LRP1B: variants seen among roughly 807,000 people sequenced by gnomAD.
The protein encoded by LRP1B is LDL receptor related protein 1B, also known as low-density lipoprotein receptor-related protein 1B.
In LRP1B, 217 loss-of-function variants were observed where a neutral mutation model predicts 556.6. That is an observed-to-expected ratio of 0.39 (90% CI 0.35 to 0.44). LRP1B has a LOEUF of 0.44. Ranked by LOEUF, LRP1B falls within the 20% of genes least tolerant of loss-of-function variation. LRP1B has a pLI of 1.00. For synonymous variants in LRP1B, 2,047 were observed against 1,865.8 expected (o/e 1.10, Z -2.50); for missense variants, 5,053 against 5,620.8 (o/e 0.90, Z 3.23).
At chr2:141,092,264 T>C (rs1375123725) in intron 7 of LRP1B, among the ~76,000 whole-genome samples, 1 of 152,198 alleles carries the variant, frequency 6.6e-6, no homozygotes, top group African/African-American at 2.4e-5. Flanking sequence ...GGGTAGCCCA[T>C]TGGACACTGT....
intron 1 of LRP1B, among the ~76,000 whole-genome samples, chr2:141,990,489 T>A (rs535361423): frequency 3.9e-5 from 6 of 152,158 alleles, no homozygotes; most frequent in Non-Finnish European, 8.8e-5. Context: ...AAAGTTTTTA[T>A]TTTTAGTGCA....
intron 1 of LRP1B, among the ~76,000 whole-genome samples, chr2:142,123,524 G>T (rs1574710951): frequency 1.3e-5 from 2 of 152,062 alleles, no homozygotes; most frequent in Admixed American, 1.3e-4. Context: ...TGGTCTGAAG[G>T]CTAAGCCAGT....
At chr2:140,958,211 A>C (rs1175333767) in intron 18 of LRP1B, among the ~76,000 whole-genome samples, 1 of 151,608 alleles carries the variant, frequency 6.6e-6, no homozygotes, top group Non-Finnish European at 1.5e-5. Flanking sequence ...GATTAGATCC[A>C]GAATATCTTT....
chr2:140,954,273 G>T (rs1013475118), intron 18 of LRP1B, among the ~76,000 whole-genome samples: 1 of 152,136 alleles, frequency 6.6e-6, no homozygotes, highest in Non-Finnish European at 1.5e-5. Flanking sequence ...CAGTGTAGAA[G>T]ATGTACTGTA....
At chr2:140,384,430 G>A (rs916297649) in intron 67 of LRP1B, among the ~76,000 whole-genome samples, 4 of 152,128 alleles carry the variant, frequency 2.6e-5, no homozygotes, top group African/African-American at 9.7e-5. Flanking sequence ...TCCATATACA[G>A]TTTTTAAAAA....
intron 41 of LRP1B, among the ~76,000 whole-genome samples, chr2:140,636,570 T>C (rs1684077891): frequency 6.6e-6 from 1 of 152,188 alleles, no homozygotes. Flanking sequence ...GTCTATTCTT[T>C]AGCAGCTCAT....
intron 1 of LRP1B, among the ~76,000 whole-genome samples, chr2:141,843,838 A>T (rs1248703212): frequency 6.6e-6 from 1 of 152,114 alleles, no homozygotes. Context: ...TTGCTGAGGC[A>T]GTCAGTATGA....
chr2:141,932,218 G>A (rs1700528104), intron 1 of LRP1B, among the ~76,000 whole-genome samples: 1 of 151,964 alleles, frequency 6.6e-6, no homozygotes, highest in South Asian at 2.1e-4. Flanking sequence ...TTTCTTGAGT[G>A]TATCAGATCA....
At chr2:141,765,968 G>A (rs1301595781) in intron 2 of LRP1B, among the ~76,000 whole-genome samples, 1 of 152,042 alleles carries the variant, frequency 6.6e-6, no homozygotes, top group Non-Finnish European at 1.5e-5. Context: ...GTCATTTTCA[G>A]GGAGCCAAAT....
chr2:141,945,792 G>T (rs1318168776), intron 1 of LRP1B, among the ~76,000 whole-genome samples: 4 of 149,602 alleles, frequency 2.7e-5, no homozygotes, highest in African/African-American at 9.8e-5. Context: ...CAAATCAGAG[G>T]CCTTGGCCTA....
At chr2:141,085,552 C>T (rs1033693577) in intron 7 of LRP1B, among the ~76,000 whole-genome samples, 1 of 152,048 alleles carries the variant, frequency 6.6e-6, no homozygotes, top group South Asian at 2.1e-4. Flanking sequence ...ATCTGCCAGC[C>T]AAAGAAAGAG....
intron 3 of LRP1B, among the ~76,000 whole-genome samples, chr2:141,452,516 C>T (rs1436824540): frequency 6.6e-6 from 1 of 152,182 alleles, no homozygotes; most frequent in Non-Finnish European, 1.5e-5. Context: ...TTTCTGTAAA[C>T]TCTACTGCAA....
intron 77 of LRP1B, among the ~76,000 whole-genome samples, 171 bp downstream of exon 77, chr2:140,350,626 T>A (rs1475517810): frequency 1.3e-5 from 2 of 152,024 alleles, no homozygotes; most frequent in Non-Finnish European, 2.9e-5. Context: ...ATAAATCATG[T>A]ACAGCTATGA....
At chr2:142,033,074 T>G (rs1465450684) in intron 1 of LRP1B, among the ~76,000 whole-genome samples, 1 of 151,812 alleles carries the variant, frequency 6.6e-6, no homozygotes, top group Non-Finnish European at 1.5e-5. Flanking sequence ...TAAGGGAGTA[T>G]AAGAATCTCT....
chr2:141,370,329 A>T (rs932362481), intron 3 of LRP1B, among the ~76,000 whole-genome samples: 2 of 152,080 alleles, frequency 1.3e-5, no homozygotes, highest in African/African-American at 4.8e-5. Flanking sequence ...TTGTCTTTTT[A>T]ATAATACTAA....
chr2:141,957,262 A>G (rs567411179), intron 1 of LRP1B, among the ~76,000 whole-genome samples: 179 of 151,910 alleles, frequency 1.2e-3, no homozygotes, highest in African/African-American at 4.0e-3. Flanking sequence ...GTCACAAGGC[A>G]TGGGCTGGGA....
intron 1 of LRP1B, among the ~76,000 whole-genome samples, chr2:142,015,688 A>G (rs1400570472): frequency 2.0e-5 from 3 of 151,944 alleles, no homozygotes; most frequent in Non-Finnish European, 2.9e-5. Flanking sequence ...GAAAAAATCA[A>G]CCCCATCAAA....
chr2:141,850,545 C>CTA (rs374359064), intron 1 of LRP1B, among the ~76,000 whole-genome samples: 3,337 of 143,296 alleles, frequency 0.023, 66 homozygotes, highest in African/African-American at 0.05. Context: ...ATATACATTC[C>CTA]TATATATATA....
chr2:140,783,869 T>A (rs1196187755), intron 32 of LRP1B, among the ~76,000 whole-genome samples: 1 of 152,226 alleles, frequency 6.6e-6, no homozygotes, highest in Non-Finnish European at 1.5e-5. Flanking sequence ...GATTACGTGA[T>A]AATCTACATT....
Sources: gnomAD v4.1 joint callset for allele counts (sites outside exome capture counted in the v4.1 genomes callset) on GRCh38, gnomAD v4.1.1 for gene constraint, MANE v1.5 for transcripts, NCBI Gene and HGNC (gene_info 2026-07-23, HGNC 2026-07-21) for gene names.